Variants in FAM186B observed in about 807,000 individuals in gnomAD.
FAM186B encodes family with sequence similarity 186 member B, also known as protein FAM186B.
FAM186B carries 68 observed loss-of-function variants against 83.4 expected under a neutral mutation model. The observed-to-expected ratio is 0.81, with a 90% CI of 0.67 to 1.00. The LOEUF is 1.00. Among genes scored for constraint, FAM186B ranks in the 50% least tolerant of loss-of-function variants. The pLI is 0.00. For missense variants in FAM186B, 983 were observed against 1,099.2 expected, an observed-to-expected ratio of 0.89 and a Z score of 1.49; for synonymous variants, 389 against 422.0, an observed-to-expected ratio of 0.92 and a Z score of 0.96.
chr12:49,595,330 G>A (rs1268191950), intron 5 of FAM186B: 1 of 599,594 alleles, frequency 1.7e-6, no homozygotes, highest in Non-Finnish European at 3.2e-6. Context: ...TGACATAGTA[G>A]TTCTACCAGG....
At position 49,600,700 on chromosome 12, in the gene FAM186B, A is replaced by G. The variant is rs368881520; in HGVS notation, c.940T>C (p.Leu314=). ...TGAGCCTTCTTCAGCTGGAACTCCA[A>G]GGCCTGCTTCATCAGGAGAAGGTCA... ...YHDLLLMKQA[L]EFQLKKAQNA... Residue 314 remains leucine, a synonymous_variant, in exon 4 of 7, where the codon TTG becomes CTG. Transcript: ENST00000257894. This position sits in a 1 kb window ranked among gnomAD's most constrained non-coding sequence, Gnocchi z 4.3. The G allele has an allele frequency of 1.4e-5, 22 of 1,614,034 alleles. No homozygotes were observed. Among genetic ancestry groups the G allele is most frequent in the Non-Finnish European group, 1.9e-5 (22 of 1,180,022 alleles).
upstream of FAM186B, among the ~76,000 whole-genome samples, chr12:49,609,682 T>C (rs1940064357): frequency 6.6e-6 from 1 of 152,218 alleles, no homozygotes; most frequent in Non-Finnish European, 1.5e-5. Flanking sequence ...GCCACCCTGG[T>C]TCCTTGTGCA....
chr12:49,602,045 C>T (rs1432246091), intron 3 of FAM186B, among the ~76,000 whole-genome samples: 1 of 152,140 alleles, frequency 6.6e-6, no homozygotes, highest in African/African-American at 2.4e-5. Context: ...TTCTGATTTG[C>T]CTTGGGCAAT....
intron 5 of FAM186B, among the ~76,000 whole-genome samples, chr12:49,589,323 TC>T (rs933519101): frequency 2.6e-5 from 4 of 152,252 alleles, no homozygotes; most frequent in Middle Eastern, 3.4e-3. Context: ...GCTCCTCCAA[TC>T]CCTCCAAGCT....
the FAM186B span, among the ~76,000 whole-genome samples, chr12:49,617,897 G>C: frequency 6.6e-6 from 1 of 152,198 alleles, no homozygotes; most frequent in Non-Finnish European, 1.5e-5. Flanking sequence ...ACTTACACTA[G>C]AGAAGGACAG....
At chr12:49,597,476 A>G (rs544914812) in intron 5 of FAM186B, among the ~76,000 whole-genome samples, 1 of 152,202 alleles carries the variant, frequency 6.6e-6, no homozygotes, top group South Asian at 2.1e-4. Context: ...GGGTGGGAGG[A>G]AATGGGGTGA....
In FAM186B at chr12:49,588,455, G is replaced by A. The variant is rs76224014; in HGVS notation, c.2533C>T (p.Arg845Cys). 1.1e-3 allele frequency: 1,743 copies of A among 1,610,608 alleles called. 36 individuals are homozygous for A. The East Asian group carries it at 0.033, about 30-fold the overall frequency. ...CCCCCTCAGCTTCCCAGAACCTACC[G>A]GGCCATCTGCAGGGGCACACATGCC... Reference protein sequence around the residue: ...HRACVPLQMARQQGKQMEAVW... With the variant: ...HRACVPLQMACQQGKQMEAVW... Residue 845 changes from arginine to cysteine, a missense_variant and splice_region_variant, in exon 6 of 7, where the codon CGC (arginine) becomes TGC (cysteine). Coordinates refer to ENST00000257894, the MANE Select transcript of FAM186B (RefSeq NM_032130.3).
In FAM186B at chr12:49,600,874, T is replaced by C. The variant is rs747452673; in HGVS notation, c.766A>G (p.Ser256Gly). The C allele has an allele frequency of 6.2e-7, 1 of 1,614,130 alleles. No individual in the cohort carries two copies. The highest frequency in any genetic ancestry group is 8.5e-7 in the Non-Finnish European group (1 of 1,179,990). Residue 256 changes from serine to glycine, a missense_variant, in exon 4 of 7, where the codon AGC (serine) becomes GGC (glycine). Physicochemically the swap from Ser to Gly is moderately conservative, Grantham distance 56. Coordinates refer to ENST00000257894, the MANE Select transcript of FAM186B (RefSeq NM_032130.3). This position sits in a 1 kb window ranked among gnomAD's most constrained non-coding sequence, Gnocchi z 4.3. ...AGGTGCCTGTATTTGGTCTCCAGGC[T>C]CCTGTTCTCCTTGTGTTGGAGGATC... ...ALILQHKENR[S>G]LETKYRHLQM...
the FAM186B span, among the ~76,000 whole-genome samples, chr12:49,621,015 A>C: frequency 6.6e-6 from 1 of 152,214 alleles, no homozygotes; most frequent in African/African-American, 2.4e-5. Flanking sequence ...GTATTGTTAT[A>C]AAAATAAGTG....
At chr12:49,594,744 G>C (rs957777267) in intron 5 of FAM186B, among the ~76,000 whole-genome samples, 1 of 152,006 alleles carries the variant, frequency 6.6e-6, no homozygotes, top group African/African-American at 2.4e-5. Flanking sequence ...GCATGGTGGC[G>C]CATGCCTGTA....
Position 49,599,727 on chromosome 12 carries a change from G to T in FAM186B, c.1913C>A (p.Thr638Asn). The T allele has an allele frequency of 6.2e-7, 1 of 1,614,056 alleles. No homozygotes were observed. Among genetic ancestry groups the T allele is most frequent in the South Asian group, 1.1e-5 (1 of 91,062 alleles). Reference sequence around the variant, plus strand: ...GGTCAGCCTTCGGATGGATGTCCCAGTGACAGGAAAGGAGGCAGATTTCTT... The same window carrying T: ...GGTCAGCCTTCGGATGGATGTCCCATTGACAGGAAAGGAGGCAGATTTCTT... ...KPKKSASFPV[T>N]GTSIRRLTWP... Residue 638 changes from threonine (T) to asparagine (N), a missense_variant, in exon 4 of 7, where the codon ACT becomes AAT. By Grantham distance (65) the Thr-to-Asn change is moderately conservative (BLOSUM62 0). Transcript: ENST00000257894.
downstream of FAM186B, among the ~76,000 whole-genome samples, chr12:49,585,050 C>T (rs1411558841): frequency 5.9e-5 from 9 of 152,130 alleles, no homozygotes; most frequent in Non-Finnish European, 1.3e-4. Context: ...GATGGAGTCT[C>T]GCTGTGTCCC....
Position 49,603,373 on chromosome 12 carries a change from G to A in FAM186B, c.323-6C>T. 1 of 1,614,098 alleles carries A rather than the reference G, an allele frequency of 6.2e-7. No homozygotes were observed. Among genetic ancestry groups the A allele is most frequent in the Non-Finnish European group, 8.5e-7 (1 of 1,179,984 alleles). Reference sequence around the variant, plus strand: ...CTCATAGGTCAGAGTGTCACCTGGAGAAGGGATGGGAGGTGCAGGCTGAGA... The same window carrying A: ...CTCATAGGTCAGAGTGTCACCTGGAAAAGGGATGGGAGGTGCAGGCTGAGA... On this transcript the variant is annotated splice_polypyrimidine_tract_variant and splice_region_variant and intron_variant, in intron 2 of 6. Coordinates refer to ENST00000257894, the MANE Select transcript of FAM186B (RefSeq NM_032130.3).
rs775358272 is a variant in FAM186B, at chr12:49,598,749, G to A, written c.2364+6C>T. 1.3e-6 allele frequency: 2 copies of A among 1,593,600 alleles called. No homozygotes were observed. Among genetic ancestry groups the A allele is most frequent in the Admixed American group, 1.7e-5 (1 of 58,518 alleles). On this transcript the variant is annotated splice_donor_region_variant and intron_variant, in intron 5 of 6. Coordinates refer to ENST00000257894, the MANE Select transcript of FAM186B (RefSeq NM_032130.3). ...AGTGGCGGGGGGGTCAGGGCGGGAG[G>A]CCCACCTTGGGGAACATGGTCACCA...
At chr12:49,590,938 ATTTT>A (rs915350427) in intron 5 of FAM186B, among the ~76,000 whole-genome samples, 2 of 152,062 alleles carry the variant, frequency 1.3e-5, no homozygotes, top group Non-Finnish European at 2.9e-5. Flanking sequence ...ATAGTATAGG[ATTTT>A]TTTTGAGGAG....
In FAM186B at chr12:49,604,315, C is replaced by G. The variant is rs140131008; in HGVS notation, c.320G>C (p.Trp107Ser). The G allele has an allele frequency of 4.3e-6, 7 of 1,612,542 alleles. No individual in the cohort carries two copies. In the African/African-American group the frequency reaches 9.3e-5, roughly 22 times the overall value. ...LYDILRWLGD[W>S]GDTLTYEIGP... ...CGGTGCCCAGCCTGCAAACTCACCC[C>G]AGTCACCCAGCCAGCGGAGAATGTC... Residue 107 changes from tryptophan (W) to serine (S), a missense_variant and splice_region_variant, in exon 2 of 7, where the codon TGG becomes TCG. Transcript: ENST00000257894.
Position 49,603,252 on chromosome 12 carries a change from T to C in FAM186B, c.438A>G (p.Lys146=). 1 of 1,614,160 alleles carries C rather than the reference T, an allele frequency of 6.2e-7. No homozygotes were observed. The highest frequency in any genetic ancestry group is 8.5e-7 in the Non-Finnish European group (1 of 1,180,032). ...KVLPLSLIAT[K]RGIESLTALC... ...GGGCAGTGAGTGACTCGATGCCTCT[T>C]TTGGTGGCAATGAGGGACAGCGGTA... is the stretch of plus-strand genomic sequence containing the variant. Residue 146 remains lysine, a synonymous_variant, in exon 3 of 7, where the codon AAA becomes AAG. Coordinates refer to ENST00000257894, the MANE Select transcript of FAM186B (RefSeq NM_032130.3).
At chr12:49,587,808 A>G in intron 6 of FAM186B, 56 bp from the exon 7 acceptor site, 1 of 1,565,124 alleles carries the variant, frequency 6.4e-7, no homozygotes, top group Non-Finnish European at 8.6e-7. Flanking sequence ...TTGAGATGCA[A>G]GAGACTCTCC....
chr12:49,583,203 G>A (rs548002172), downstream of FAM186B: 41 of 385,922 alleles, frequency 1.1e-4, no homozygotes, highest in Non-Finnish European at 2.0e-4. Context: ...ACATAATATT[G>A]TCAGTTTCAT....
Sources: allele counts gnomAD v4.1 joint callset (sites outside exome capture counted in the v4.1 genomes callset), GRCh38; gene constraint gnomAD v4.1.1; non-coding constraint Gnocchi (gnomAD v3.1); transcripts MANE v1.5; gene names NCBI Gene and HGNC (gene_info 2026-07-23, HGNC 2026-07-21).